Variants in PTPN21 observed in about 807,000 individuals in gnomAD.
PTPN21 encodes the protein tyrosine-protein phosphatase non-receptor type 21.
Under a neutral mutation model 131.8 loss-of-function variants are expected in PTPN21, and 77 were observed. That is an observed-to-expected ratio of 0.58 (90% CI 0.49 to 0.71). PTPN21 has a LOEUF of 0.71. PTPN21 is among the 30% of genes least tolerant of loss of function. PTPN21 has a pLI of 0.00. For missense variants in PTPN21, 1,552 were observed against 1,527.1 expected (o/e 1.02, Z -0.27); for synonymous variants, 715 against 621.3 (o/e 1.15, Z -2.24).
intron 2 of PTPN21, among the ~76,000 whole-genome samples, chr14:88,530,678 A>C (rs572159539): frequency 2.2e-4 from 34 of 152,302 alleles, no homozygotes; most frequent in African/African-American, 8.2e-4. Flanking sequence ...AACGACACTT[A>C]AAAAAGACAA....
chr14:88,523,747 AC>A (rs2078434816), intron 2 of PTPN21, among the ~76,000 whole-genome samples: 1 of 151,562 alleles, frequency 6.6e-6, no homozygotes, highest in African/African-American at 2.4e-5. Context: ...ACACACACAC[AC>A]ACACACACCC....
intron 2 of PTPN21, among the ~76,000 whole-genome samples, chr14:88,526,547 C>CAAAAAAAAAAAAAAA (rs10587204): frequency 1.8e-5 from 1 of 56,912 alleles, no homozygotes; most frequent in Non-Finnish European, 2.8e-5. Context: ...GAGATGATCT[C>CAAAAAAAAAAAAAAA]AAAAAAAAAA....
At chr14:88,549,494 G>A (rs2078828972) in intron 2 of PTPN21, among the ~76,000 whole-genome samples, 1 of 152,164 alleles carries the variant, frequency 6.6e-6, no homozygotes, top group Non-Finnish European at 1.5e-5. Flanking sequence ...CATGAGGAGG[G>A]GACTACAGGC....
Position 88,480,059 on chromosome 14 carries a change from G to A in PTPN21, c.1372C>T (p.Leu458Phe), listed in dbSNP as rs767449269. ...TPDYETVMKQLNRGLVHAERQ... is the reference protein window; with the variant it reads ...TPDYETVMKQFNRGLVHAERQ... ...TCCGCATGCACCAGGCCCCTGTTGA[G>A]CTGCTTCATCACAGTCTCATAGTCT... Residue 458 changes from leucine to phenylalanine, a missense_variant, in exon 13 of 19, where the codon CTC (leucine) becomes TTC (phenylalanine). By Grantham distance (22) the Leu-to-Phe change is conservative. This residue lies in a region of PTPN21 where 1,016 missense variants were observed against 883.5 expected (regional missense o/e 1.15). Transcript: ENST00000556564. The A allele has an allele frequency of 4.3e-6, 7 of 1,613,996 alleles. No individual in the cohort carries two copies. The East Asian group carries it at 8.9e-5, about 21-fold the overall frequency.
intron 1 of PTPN21, among the ~76,000 whole-genome samples, chr14:88,550,939 G>A (rs1409553435): frequency 6.6e-6 from 1 of 152,162 alleles, no homozygotes; most frequent in African/African-American, 2.4e-5. Flanking sequence ...TTTTGGATAA[G>A]GTGTTGTTTT....
chr14:88,536,456 AC>A (rs1463346253), intron 2 of PTPN21, among the ~76,000 whole-genome samples: 1 of 152,226 alleles, frequency 6.6e-6, no homozygotes, highest in Non-Finnish European at 1.5e-5. Flanking sequence ...TTGACTGAGA[AC>A]AAAGTGATTT....
chr14:88,518,386 G>GTGTGTGTATATATATATA (rs1259300832), intron 2 of PTPN21, among the ~76,000 whole-genome samples: 4 of 9,704 alleles, frequency 4.1e-4, no homozygotes, highest in Non-Finnish European at 8.6e-4. Flanking sequence ...GTGTGTGTGT[G>GTGTGTGTATATATATATA]TATATATATA....
Position 88,480,308 on chromosome 14 carries a change from G to C in PTPN21, c.1123C>G (p.Gln375Glu). The C allele has an allele frequency of 6.2e-7, 1 of 1,614,150 alleles. No individual in the cohort carries two copies. Among genetic ancestry groups the C allele is most frequent in the Non-Finnish European group, 8.5e-7 (1 of 1,180,006 alleles). The change falls in exon 13 of 19, where the codon CAG becomes GAG. Residue 375 changes from glutamine (Q) to glutamate (E), a missense_variant. Coordinates refer to ENST00000556564, the MANE Select transcript of PTPN21 (RefSeq NM_007039.4). Reference protein sequence around the residue: ...PNQNGYYCHSQTSLDRAQIDL... With the variant: ...PNQNGYYCHSETSLDRAQIDL... ...ATCTGGGCTCTATCCAAGCTTGTCT[G>C]AGAGTGACAGTAGTATCCGTTCTGG...
rs759626982 is a variant in PTPN21, at chr14:88,479,405, T to A, written c.2026A>T (p.Ser676Cys). The change falls in exon 13 of 19, where the codon AGC becomes TGC. Residue 676 changes from serine (S) to cysteine (C), a missense_variant. Ser to Cys is a moderately radical substitution (Grantham distance 112). Around this residue, in one of 4 missense-constraint regions of PTPN21, gnomAD observed 1,016 missense variants for 883.5 expected, o/e 1.15. Transcript: ENST00000556564. ...PRAVSVGSQP[S>C]VFTERTQREG... ...CGCTGTGTCCTCTCGGTGAAAACGC[T>A]GGGCTGGGAGCCCACCGAGACGGCT... is the stretch of plus-strand genomic sequence containing the variant. 1 of 1,603,662 alleles carries A rather than the reference T, an allele frequency of 6.2e-7. No individual in the cohort carries two copies. The highest frequency in any genetic ancestry group is 1.7e-5 in the Admixed American group (1 of 59,420).
intron 3 of PTPN21, among the ~76,000 whole-genome samples, chr14:88,509,551 G>A (rs1368175220): frequency 6.6e-6 from 1 of 152,152 alleles, no homozygotes; most frequent in Non-Finnish European, 1.5e-5. Context: ...CCAAACCCAT[G>A]GATTTCCCTC....
At chr14:88,504,550 G>A (rs2078059717) in intron 5 of PTPN21, 55 bp from the exon 6 acceptor site, 3 of 1,419,622 alleles carry the variant, frequency 2.1e-6, no homozygotes, top group Non-Finnish European at 3.0e-6. Flanking sequence ...TTTCTTAGAA[G>A]GAATCATGGC....
At chr14:88,498,137 G>A (rs1428493354) in intron 8 of PTPN21, among the ~76,000 whole-genome samples, 3 of 149,654 alleles carry the variant, frequency 2.0e-5, no homozygotes, top group Non-Finnish European at 4.4e-5. Flanking sequence ...TAGGCCAGGC[G>A]AGGTGGCAGG....
chr14:88,498,637 C>T (rs1379007686), intron 8 of PTPN21, among the ~76,000 whole-genome samples: 1 of 152,104 alleles, frequency 6.6e-6, no homozygotes, highest in Non-Finnish European at 1.5e-5. Context: ...AACACAGAAG[C>T]AAACAAGAAC....
chr14:88,470,882 C>T (rs770187923), intron 15 of PTPN21, among the ~76,000 whole-genome samples: 2 of 152,014 alleles, frequency 1.3e-5, no homozygotes, highest in Non-Finnish European at 2.9e-5. Context: ...GATGAGGTCC[C>T]ACAACACAGC....
chr14:88,488,693 G>A (rs777372788), intron 10 of PTPN21, among the ~76,000 whole-genome samples: 3 of 152,004 alleles, frequency 2.0e-5, no homozygotes, highest in Non-Finnish European at 2.9e-5. Flanking sequence ...GCACATGCCC[G>A]TGTAGTGCCA....
In PTPN21 at chr14:88,484,181, G is replaced by A. The variant is rs533944499; in HGVS notation, c.1078+895C>T. On this transcript the variant is annotated intron_variant, in intron 12 of 18. Transcript: ENST00000556564. ...TCCTACCTCAGCCTCCTGAGTAGCT[G>A]GGACTGGAGGTGCATACCACTACGC... Among the ~76,000 whole-genome samples, 4 of 151,252 alleles carry A rather than the reference G, an allele frequency of 2.6e-5. No individual in the cohort carries two copies. The East Asian group carries it at 7.8e-4, about 29-fold the overall frequency.
chr14:88,470,227 CA>C (rs550536723), intron 15 of PTPN21, 177 bp from the exon 16 acceptor site: 273 of 622,932 alleles, frequency 4.4e-4, no homozygotes, highest in Non-Finnish European at 6.8e-4. Context: ...CTTGTGAATA[CA>C]ATTTGCATTA....
At chr14:88,551,907 C>G (rs902559598) in intron 1 of PTPN21, 5 of 152,302 alleles carry the variant, frequency 3.3e-5, no homozygotes, top group African/African-American at 1.2e-4. Flanking sequence ...ATTTTTATAT[C>G]AGCTGGATTA....
intron 2 of PTPN21, among the ~76,000 whole-genome samples, chr14:88,542,522 G>A (rs2078720945): frequency 6.6e-6 from 1 of 152,110 alleles, no homozygotes; most frequent in Non-Finnish European, 1.5e-5. Flanking sequence ...ATACTGAAAG[G>A]AAAACATCTT....
Sources: gnomAD v4.1 joint callset for allele counts (sites outside exome capture counted in the v4.1 genomes callset) on GRCh38, gnomAD v4.1.1 for gene constraint, gnomAD v4.1.1 regional missense constraint, MANE v1.5 for transcripts, NCBI Gene and HGNC (gene_info 2026-07-23, HGNC 2026-07-21) for gene names.